The following EIF4ENIF1 variants were observed in gnomAD, a reference collection of about 807,000 sequenced individuals.
EIF4ENIF1 encodes the protein eukaryotic translation initiation factor 4E transporter.
A neutral mutation model predicts 110.5 loss-of-function variants in EIF4ENIF1; 23 were observed. That is an observed-to-expected ratio of 0.21 (90% CI 0.15 to 0.29). EIF4ENIF1 has a LOEUF of 0.29. Ranked by LOEUF, EIF4ENIF1 falls within the 10% of genes least tolerant of loss-of-function variation. The pLI is 1.00. For missense variants in EIF4ENIF1, 1,031 were observed against 1,221.1 expected (o/e 0.84, Z 2.32); for synonymous variants, 440 against 437.0 (o/e 1.01, Z -0.09).
chr22:31,472,041 G>C lies in EIF4ENIF1; in HGVS notation c.97-124C>G, dbSNP rs564973375. 10 of 735,988 alleles carry C rather than the reference G, an allele frequency of 1.4e-5. No individual in the cohort carries two copies. The African/African-American group carries it at 1.8e-4, about 13-fold the overall frequency. The allele number at this position is 735,988 out of a possible 1,614,324, so 45.6% of individuals were successfully genotyped here. ...TTCACACAATTCTTATTTACATCTT[G>C]CCTTATTTCAGAAAGGACTGGAGTA... On this transcript the variant is annotated intron_variant, in intron 2 of 18. Coordinates refer to ENST00000330125, the MANE Select transcript of EIF4ENIF1 (RefSeq NM_019843.4).
At chr22:31,468,372 C>T in intron 3 of EIF4ENIF1, 70 bp from the exon 4 acceptor site, 1 of 1,595,030 alleles carries the variant, frequency 6.3e-7, no homozygotes, top group Non-Finnish European at 8.6e-7. Context: ...ATTTCTAAAC[C>T]TCCTCAGCTA....
At chr22:31,479,954 A>G (rs1569104697) in intron 2 of EIF4ENIF1, among the ~76,000 whole-genome samples, 3 of 151,962 alleles carry the variant, frequency 2.0e-5, no homozygotes, top group South Asian at 4.2e-4. Flanking sequence ...TCAAGTGATC[A>G]TCTTGCCTCA....
chr22:31,446,285 C>CAAAAAAAAAAAA (rs3068275), intron 14 of EIF4ENIF1, among the ~76,000 whole-genome samples: 2 of 105,674 alleles, frequency 1.9e-5, no homozygotes, highest in Admixed American at 1.0e-4. Flanking sequence ...AGATTGTCTC[C>CAAAAAAAAAAAA]AAAAAAAAAA....
chr22:31,440,662 C>T, intron 18 of EIF4ENIF1, 42 bp downstream of exon 18: 1 of 1,596,386 alleles, frequency 6.3e-7, no homozygotes, highest in Non-Finnish European at 8.5e-7. Context: ...TCAAGACTCC[C>T]TAAGTCCGTC....
intron 14 of EIF4ENIF1, among the ~76,000 whole-genome samples, chr22:31,445,954 C>CG (rs1491241638): frequency 5.8e-5 from 5 of 85,780 alleles, no homozygotes; most frequent in East Asian, 5.7e-4. Flanking sequence ...TTACGTACCG[C>CG]CCCCCCCCCC....
In EIF4ENIF1 at chr22:31,440,026, G is replaced by A. The variant is rs1160804466; in HGVS notation, c.2812C>T (p.His938Tyr). ...CTGGGGCGATGCTCCAGCTGGGAGT[G>A]CATGTGGGGCAGGCCTGACCGGCTG... ...VPSRSGLPHMHSQLEHRPSQR... is the reference protein window; with the variant it reads ...VPSRSGLPHMYSQLEHRPSQR... Residue 938 changes from histidine (H) to tyrosine (Y), a missense_variant, in exon 19 of 19, where the codon CAC becomes TAC. Physicochemically the swap from His to Tyr is moderately conservative, Grantham distance 83. Transcript: ENST00000330125. 2.5e-6 allele frequency: 4 copies of A among 1,613,984 alleles called. No homozygotes were observed. Among genetic ancestry groups the A allele is most frequent in the Non-Finnish European group, 3.4e-6 (4 of 1,179,918 alleles).
rs1243525388 is a variant in EIF4ENIF1 at position 31,439,583 on chromosome 22, C to T, written c.*297G>A. ...GTCTATACATTTATTTCCTCAGAAC[C>T]CTTAGGTGCCACCTCTTGGTGAGGA... On this transcript the variant is annotated 3_prime_UTR_variant, in exon 19 of 19. Coordinates refer to ENST00000330125, the MANE Select transcript of EIF4ENIF1 (RefSeq NM_019843.4). The T allele has an allele frequency of 2.5e-6, 1 of 406,530 alleles. No individual in the cohort carries two copies. Among genetic ancestry groups the T allele is most frequent in the Non-Finnish European group, 4.5e-6 (1 of 224,562 alleles). 25.2% of individuals were successfully genotyped at this position (406,530 alleles called of 1,614,324 possible).
chr22:31,468,456 G>A (rs1167328093), intron 3 of EIF4ENIF1, among the ~76,000 whole-genome samples, 154 bp from the exon 4 acceptor site: 7 of 152,134 alleles, frequency 4.6e-5, no homozygotes, highest in Admixed American at 3.3e-4. Context: ...GCGCAGTGGC[G>A]TGATCTCAGC....
chr22:31,488,804 G>C, intron 1 of EIF4ENIF1, 59 bp from the exon 2 acceptor site: 1 of 1,525,192 alleles, frequency 6.6e-7, no homozygotes, highest in Non-Finnish European at 8.8e-7. Flanking sequence ...AGAAATCTTG[G>C]CTGTTTCTTC....
rs1359104517 is a variant in EIF4ENIF1, at chr22:31,442,816, C to G, written c.2206+146G>C. On this transcript the variant is annotated intron_variant, in intron 16 of 18. Coordinates refer to ENST00000330125, the MANE Select transcript of EIF4ENIF1 (RefSeq NM_019843.4). ...AATTCTTCTCACTGTCACACAGAAC[C>G]TTCTCACTGACACAGAACCATAGTC... 2.7e-6 allele frequency: 3 copies of G among 1,106,800 alleles called. No homozygotes were observed. The African/African-American group carries it at 4.7e-5, about 17-fold the overall frequency. The allele number at this position is 1,106,800 out of a possible 1,614,324, so 68.6% of individuals were successfully genotyped here.
intron 8 of EIF4ENIF1, 63 bp downstream of exon 8, chr22:31,455,789 A>C: frequency 6.2e-7 from 1 of 1,601,572 alleles, no homozygotes; most frequent in East Asian, 2.2e-5. Flanking sequence ...ATGAAGATAA[A>C]ATGAACCATA....
intron 4 of EIF4ENIF1, among the ~76,000 whole-genome samples, chr22:31,464,699 A>T (rs5997994): frequency 0.058 from 2,221 of 38,532 alleles, 195 homozygotes; most frequent in Admixed American, 0.15. Context: ...AAAAAAAAAA[A>T]ATATATATAT....
chr22:31,490,502 TG>T (rs1488212780), upstream of EIF4ENIF1, among the ~76,000 whole-genome samples: 1 of 152,186 alleles, frequency 6.6e-6, no homozygotes, highest in East Asian at 1.9e-4. Flanking sequence ...AAGACAAACT[TG>T]TCACGATTGG....
At chr22:31,464,974 G>A (rs1026401241) in intron 4 of EIF4ENIF1, among the ~76,000 whole-genome samples, 2 of 151,600 alleles carry the variant, frequency 1.3e-5, no homozygotes, top group Admixed American at 1.3e-4. Flanking sequence ...GCCACAGACT[G>A]AGACAAAATA....
chr22:31,487,410 T>TAAG (rs1489757158), intron 2 of EIF4ENIF1, among the ~76,000 whole-genome samples: 1 of 152,086 alleles, frequency 6.6e-6, no homozygotes, highest in African/African-American at 2.4e-5. Flanking sequence ...ATCAAGTAGG[T>TAAG]AAGAGTAGTG....
intron 2 of EIF4ENIF1, among the ~76,000 whole-genome samples, chr22:31,473,372 T>C (rs1490262989): frequency 2.0e-5 from 3 of 152,136 alleles, no homozygotes; most frequent in African/African-American, 7.2e-5. Flanking sequence ...CTACAACTAT[T>C]GATAATACTT....
intron 10 of EIF4ENIF1, chr22:31,450,831 CATATAT>C (rs139052348): frequency 4.0e-5 from 6 of 151,746 alleles, no homozygotes; most frequent in Admixed American, 6.6e-5. Context: ...TACATACACA[CATATAT>C]ATATACTACA....
chr22:31,440,983 C>T (rs2050275920), intron 17 of EIF4ENIF1, 115 bp from the exon 18 acceptor site: 3 of 1,381,066 alleles, frequency 2.2e-6, no homozygotes, highest in Admixed American at 2.3e-5. Flanking sequence ...GGGCTCTGCG[C>T]AGTGGCTCAC....
intron 2 of EIF4ENIF1, among the ~76,000 whole-genome samples, chr22:31,484,651 T>C (rs889816574): frequency 6.6e-6 from 1 of 151,868 alleles, no homozygotes; most frequent in South Asian, 2.1e-4. Flanking sequence ...CTGACCAACA[T>C]GGAGAAACCC....
Sources: allele counts gnomAD v4.1 joint callset (sites outside exome capture counted in the v4.1 genomes callset), GRCh38; gene constraint gnomAD v4.1.1; transcripts MANE v1.5; gene names NCBI Gene and HGNC (gene_info 2026-07-23, HGNC 2026-07-21).